ADCY9: variants seen among roughly 807,000 people sequenced by gnomAD.
ADCY9 encodes adenylate cyclase 9.
Under a neutral mutation model 101.5 loss-of-function variants are expected in ADCY9, and 50 were observed. The ratio of observed to expected loss-of-function variants is 0.49; its 90% CI spans 0.39 to 0.62. The LOEUF (loss-of-function observed/expected upper bound fraction) is 0.62. ADCY9 is among the 20% of genes least tolerant of loss of function. The pLI, the probability that ADCY9 is intolerant of heterozygous loss-of-function variation, is 0.00. For missense variants in ADCY9, 1,662 were observed against 1,800.4 expected, an observed-to-expected ratio of 0.92 and a Z score of 1.39; for synonymous variants, 905 against 769.3, an observed-to-expected ratio of 1.18 and a Z score of -2.92.
At chr16:3,996,790 G>T (rs2056289983) in intron 3 of ADCY9, among the ~76,000 whole-genome samples, 1 of 152,204 alleles carries the variant, frequency 6.6e-6, no homozygotes, top group Non-Finnish European at 1.5e-5. Flanking sequence ...TTTAGTCACA[G>T]GAATCTCCTG....
At chr16:4,075,395 T>G (rs1341735324) in intron 2 of ADCY9, among the ~76,000 whole-genome samples, 1 of 152,196 alleles carries the variant, frequency 6.6e-6, no homozygotes, top group African/African-American at 2.4e-5. Flanking sequence ...CACATCAGCC[T>G]CCCAAAGTGC....
intron 2 of ADCY9, among the ~76,000 whole-genome samples, chr16:4,067,786 G>A (rs1245853937): frequency 6.6e-6 from 1 of 152,140 alleles, no homozygotes; most frequent in Non-Finnish European, 1.5e-5. Flanking sequence ...CAAACACTTT[G>A]CCACTGTAGC....
rs778577558 is a variant in ADCY9 at position 3,979,105 on chromosome 16, C to A, written c.2679+11G>T. The A allele has an allele frequency of 6.2e-7, 1 of 1,614,130 alleles. No individual in the cohort carries two copies. Among genetic ancestry groups the A allele is most frequent in the South Asian group, 1.1e-5 (1 of 91,084 alleles). On this transcript the variant is annotated intron_variant, in intron 8 of 10. Coordinates refer to ENST00000294016, the MANE Select transcript of ADCY9 (RefSeq NM_001116.4). Reference sequence around the variant, plus strand: ...AGAGCGTGGAAATAAAACGGCTGAGCCTTTACTTACGTGTATGTTGGTCTC... The same window carrying A: ...AGAGCGTGGAAATAAAACGGCTGAGACTTTACTTACGTGTATGTTGGTCTC...
intron 2 of ADCY9, among the ~76,000 whole-genome samples, chr16:4,030,553 A>G (rs966680601): frequency 3.9e-5 from 6 of 152,210 alleles, no homozygotes; most frequent in Middle Eastern, 3.4e-3. Flanking sequence ...AATACAAAAA[A>G]TCAGCCAGGC....
chr16:4,020,078 A>AAAAAAG (rs1219363562), intron 2 of ADCY9, among the ~76,000 whole-genome samples: 1 of 16,942 alleles, frequency 5.9e-5, no homozygotes, highest in South Asian at 1.2e-3. Flanking sequence ...CTCCATCTCA[A>AAAAAAG]AAAAAGAAAA....
intron 5 of ADCY9, among the ~76,000 whole-genome samples, chr16:3,954,086 G>A (rs1359963201): frequency 6.6e-6 from 1 of 152,186 alleles, no homozygotes; most frequent in Non-Finnish European, 1.5e-5. Context: ...GCACTCATCT[G>A]GGTGTTATCA....
At chr16:4,076,722 A>G (rs1410953095) in intron 2 of ADCY9, among the ~76,000 whole-genome samples, 1 of 152,170 alleles carries the variant, frequency 6.6e-6, no homozygotes. Context: ...TGGCATCAAT[A>G]ATTTTTTTTT....
chr16:4,104,447 CA>C (rs923117115), intron 2 of ADCY9, among the ~76,000 whole-genome samples: 3 of 151,866 alleles, frequency 2.0e-5, no homozygotes, highest in African/African-American at 7.3e-5. Flanking sequence ...AAGAAACTAC[CA>C]CTCAAAATAA....
intron 2 of ADCY9, among the ~76,000 whole-genome samples, chr16:4,092,821 T>C (rs1393297372): frequency 6.6e-6 from 1 of 152,224 alleles, no homozygotes; most frequent in Non-Finnish European, 1.5e-5. Context: ...ACGAGCTTAA[T>C]TACTTGTTGG....
chr16:4,091,768 A>C (rs1360619642), intron 2 of ADCY9, among the ~76,000 whole-genome samples: 2 of 152,206 alleles, frequency 1.3e-5, no homozygotes, highest in African/African-American at 4.8e-5. Context: ...AATCCTGCAG[A>C]TGCAAAGTGC....
chr16:3,986,862 T>C (rs563231741), intron 6 of ADCY9, among the ~76,000 whole-genome samples: 3 of 152,352 alleles, frequency 2.0e-5, no homozygotes, highest in African/African-American at 7.2e-5. Context: ...TCCTGAGTAA[T>C]TGGGATTACA....
intron 2 of ADCY9, among the ~76,000 whole-genome samples, chr16:4,039,805 G>A (rs184691638): frequency 1.2e-4 from 18 of 152,144 alleles, no homozygotes; most frequent in East Asian, 3.9e-4. Context: ...TTGGGAGGTC[G>A]AGGCAGGCGG....
chr16:3,963,079 T>C lies in ADCY9; in HGVS notation c.*2696A>G, dbSNP rs561411403. The stretch of plus-strand genomic sequence containing the variant: ...CTACATTTGTTTGCATTGGATAAAA[T>C]TGTGTGTGCTTGTTTACCATATATA... On this transcript the variant is annotated 3_prime_UTR_variant, in exon 11 of 11. Transcript: ENST00000294016. The C allele has an allele frequency of 2.1e-3, 331 of 156,218 alleles. 3 individuals carry two copies. The highest frequency in any genetic ancestry group is 3.0e-3 in the Middle Eastern group (1 of 336). The allele number at this position is 156,218 out of a possible 1,614,324, so 9.7% of individuals were successfully genotyped here.
At chr16:4,007,874 C>T (rs2601784) in intron 2 of ADCY9, among the ~76,000 whole-genome samples, 144,144 of 152,230 alleles carry the variant, frequency 0.95, 68,702 homozygotes, top group East Asian at 1. Flanking sequence ...AGGACCTCCC[C>T]GTGAAGGCAG....
At chr16:3,973,841 T>C (rs2056072166) in intron 10 of ADCY9, among the ~76,000 whole-genome samples, 1 of 152,132 alleles carries the variant, frequency 6.6e-6, no homozygotes, top group South Asian at 2.1e-4. Context: ...AATCTGTCCA[T>C]CTTTTCGTTG....
chr16:3,966,978 A>G lies in ADCY9; in HGVS notation c.2871-12T>C, dbSNP rs766263900. ...GGTTCCTCTCGGAACTGGAGAGCAA[A>G]GACACGGGAAAGGGAGAGGTTACTG... On this transcript the variant is annotated splice_polypyrimidine_tract_variant and intron_variant, in intron 10 of 10. Coordinates refer to ENST00000294016, the MANE Select transcript of ADCY9 (RefSeq NM_001116.4). The G allele has an allele frequency of 3.1e-5, 49 of 1,601,354 alleles. No homozygotes were observed. The highest frequency in any genetic ancestry group is 4.0e-5 in the Non-Finnish European group (47 of 1,172,650).
At chr16:4,093,884 G>A (rs537154715) in intron 2 of ADCY9, among the ~76,000 whole-genome samples, 46 of 152,366 alleles carry the variant, frequency 3.0e-4, no homozygotes, top group African/African-American at 1.0e-3. Context: ...GGTGCTAAAT[G>A]CAACAGAAGC....
At chr16:4,092,996 T>A (rs1392727762) in intron 2 of ADCY9, among the ~76,000 whole-genome samples, 1 of 152,142 alleles carries the variant, frequency 6.6e-6, no homozygotes, top group Admixed American at 6.5e-5. Context: ...AAAGCAAAGA[T>A]TCCTATTTTT....
At chr16:3,971,050 T>G (rs2601782) in intron 10 of ADCY9, among the ~76,000 whole-genome samples, 2 of 151,926 alleles carry the variant, frequency 1.3e-5, no homozygotes, top group East Asian at 3.9e-4. Flanking sequence ...GCCTACACTG[T>G]CTAAATAAGG....
Sources: gnomAD v4.1 joint callset for allele counts (sites outside exome capture counted in the v4.1 genomes callset) on GRCh38, gnomAD v4.1.1 for gene constraint, MANE v1.5 for transcripts, NCBI Gene and HGNC (gene_info 2026-07-23, HGNC 2026-07-21) for gene names.